The following HUWE1 variants were observed in gnomAD, a reference collection of about 807,000 sequenced individuals.
The protein encoded by HUWE1 is E3 ubiquitin-protein ligase HUWE1.
A neutral mutation model predicts 299.4 loss-of-function variants in HUWE1; 18 were observed. That is an observed-to-expected ratio of 0.06 (90% CI 0.04 to 0.09). The LOEUF (loss-of-function observed/expected upper bound fraction) is 0.09, where lower values mean the gene tolerates loss of function less well. Ranked by LOEUF, HUWE1 falls within the 10% of genes least tolerant of loss-of-function variation. The pLI, the probability that HUWE1 is intolerant of heterozygous loss-of-function variation, is 1.00. For missense variants in HUWE1, 1,832 were observed against 3,462.3 expected (o/e 0.53, Z 11.82); for synonymous variants, 1,317 against 1,286.1 (o/e 1.02, Z -0.51).
intron 4 of HUWE1, among the ~76,000 whole-genome samples, chrX:53,651,363 TAA>T (rs1557040035): frequency 1.8e-5 from 2 of 111,237 alleles, no homozygotes; most frequent in Non-Finnish European, 3.8e-5. Context: ...TCTACCCTCG[TAA>T]CAAATTTTTA....
At chrX:53,641,881 G>A (rs1302466584) in intron 7 of HUWE1, among the ~76,000 whole-genome samples, 1 of 110,944 alleles carries the variant, frequency 9.0e-6, no homozygotes, top group African/African-American at 3.3e-5. Context: ...GTAAGTAAAG[G>A]TTTAGTGTTG....
chrX:53,628,427 G>A, intron 15 of HUWE1, 66 bp downstream of exon 15: 2 of 1,063,537 alleles, frequency 1.9e-6, no homozygotes, highest in East Asian at 6.7e-5. Context: ...CCCCAAACTT[G>A]CATCTCTACA....
intron 36 of HUWE1, among the ~76,000 whole-genome samples, chrX:53,588,817 C>A (rs993810596): frequency 1.3e-4 from 15 of 111,947 alleles, no homozygotes; most frequent in African/African-American, 4.9e-4. Context: ...TGCATACAGT[C>A]AACCCCAAAA....
intron 3 of HUWE1, among the ~76,000 whole-genome samples, chrX:53,654,653 A>G (rs1043974841): frequency 2.7e-5 from 3 of 112,279 alleles, no homozygotes; most frequent in Non-Finnish European, 5.6e-5. Context: ...CCAAAATACG[A>G]CTGGTTTAAA....
Position 53,533,154 on chromosome X carries a change from G to A in HUWE1, c.*155C>T. 1 of 480,083 alleles carries A rather than the reference G, an allele frequency of 2.1e-6. No individual in the cohort carries two copies. Among genetic ancestry groups the A allele is most frequent in the Admixed American group, 3.1e-5 (1 of 31,891 alleles). The allele number at this position is 480,083 out of a possible 1,213,427, so 39.6% of individuals were successfully genotyped here. A position where few individuals can be genotyped will look rare whatever the true frequency, so the allele number is the denominator to read the frequency against. ...AGAGAATGAGAAGAGGAACAGGTAT[G>A]CGCTGGGGAAGATGGGGCAGCTGGG... On this transcript the variant is annotated 3_prime_UTR_variant, in exon 84 of 84. Transcript: ENST00000262854.
intron 2 of HUWE1, chrX:53,683,931 C>G (rs2070333853): frequency 3.4e-6 from 1 of 292,214 alleles, no homozygotes; most frequent in Non-Finnish European, 6.0e-6. Flanking sequence ...GAGAATTCTC[C>G]GGCTTAGAAC....
intron 43 of HUWE1, among the ~76,000 whole-genome samples, chrX:53,577,415 TG>T (rs145096249): frequency 0.34 from 33,606 of 98,401 alleles, 5,592 homozygotes; most frequent in South Asian, 0.48. Context: ...GGCACATAGC[TG>T]GAACTTCCAA....
intron 23 of HUWE1, among the ~76,000 whole-genome samples, chrX:53,612,497 A>C (rs1557003335): frequency 8.9e-6 from 1 of 112,175 alleles, no homozygotes; most frequent in Non-Finnish European, 1.9e-5. Flanking sequence ...TCCTTCATTT[A>C]AGGCTCTTTA....
chrX:53,539,320 T>TAAAAAAAA (rs34154526), intron 75 of HUWE1, among the ~76,000 whole-genome samples: 126 of 52,702 alleles, frequency 2.4e-3, no homozygotes, highest in Non-Finnish European at 2.8e-3. Flanking sequence ...ATTTCTGATT[T>TAAAAAAAA]AAAAAAAAAA....
At position 53,600,425 on chromosome X, in the gene HUWE1, C is replaced by T. The variant is rs1333469342; in HGVS notation, c.2972-116G>A. 3 of 567,768 alleles carry T rather than the reference C, an allele frequency of 5.3e-6. No individual in the cohort carries two copies. The African/African-American group carries it at 7.0e-5, about 13-fold the overall frequency. 46.8% of individuals were successfully genotyped at this position (567,768 alleles called of 1,213,427 possible). ...TTTGTTACTCTTTCAATTCCCATGG[C>T]TTCCTAAATTTGAAAAACAAAAACA... On this transcript the variant is annotated intron_variant, in intron 28 of 83. Transcript: ENST00000262854.
chrX:53,641,192 T>C (rs2067564844), intron 7 of HUWE1, among the ~76,000 whole-genome samples: 1 of 111,991 alleles, frequency 8.9e-6, no homozygotes, highest in African/African-American at 3.2e-5. Context: ...ACATAAGGTA[T>C]ACTCTTTCAT....
At chrX:53,581,146 A>G in intron 42 of HUWE1, 120 bp from the exon 43 acceptor site, 3 of 599,251 alleles carry the variant, frequency 5.0e-6, no homozygotes, top group South Asian at 6.2e-5. Context: ...TTTATTTTTA[A>G]GTCCCGTCCC....
At chrX:53,573,199 ACTCT>A (rs782441007) in intron 47 of HUWE1, among the ~76,000 whole-genome samples, 5 of 110,899 alleles carry the variant, frequency 4.5e-5, no homozygotes, top group East Asian at 2.8e-4. Flanking sequence ...AATCTCATTA[ACTCT>A]CTCTCTCAGT....
At chrX:53,538,786 T>G in intron 76 of HUWE1, 49 bp downstream of exon 76, 3 of 1,119,486 alleles carry the variant, frequency 2.7e-6, no homozygotes, top group Non-Finnish European at 3.6e-6. Context: ...GAAACAATCC[T>G]GTTTAAAATG....
In HUWE1 at chrX:53,536,374, C is replaced by G; in HGVS notation, c.12425+6G>C. ...AGACAGTCCCAGGACTATGCCTCAT[C>G]CTCACCTGACTGACTTGCCCAAGAT... On this transcript the variant is annotated splice_donor_region_variant and intron_variant, in intron 79 of 83. Transcript: ENST00000262854. The G allele has an allele frequency of 8.3e-7, 1 of 1,210,695 alleles. No homozygotes were observed. The highest frequency in any genetic ancestry group is 1.1e-6 in the Non-Finnish European group (1 of 894,606).
chrX:53,558,696 T>C lies in HUWE1; in HGVS notation c.8119A>G (p.Lys2707Glu). 1.7e-6 allele frequency: 2 copies of C among 1,210,714 alleles called. No individual in the cohort carries two copies. Among genetic ancestry groups the C allele is most frequent in the Non-Finnish European group, 2.2e-6 (2 of 894,468 alleles). ...LAEEETKITDKGKEDKENRDQ... is the reference protein window; with the variant it reads ...LAEEETKITDEGKEDKENRDQ... ...CTGTTCTCCTTATCTTCTTTGCCTT[T>C]ATCAGTTATCTTTGTTTCTTCCTCA... The change falls in exon 59 of 84, where the codon AAA becomes GAA. Residue 2707 changes from lysine (K) to glutamate (E), a missense_variant. Lys to Glu is a moderately conservative substitution (Grantham distance 56, BLOSUM62 1). Coordinates refer to ENST00000262854, the MANE Select transcript of HUWE1 (RefSeq NM_031407.7).
At chrX:53,542,370 C>T in intron 74 of HUWE1, 73 bp downstream of exon 74, 1 of 686,960 alleles carries the variant, frequency 1.5e-6, no homozygotes, top group Non-Finnish European at 2.4e-6. Context: ...ATGCTGGGAG[C>T]AGGGGATTCA....
chrX:53,573,684 G>A, intron 47 of HUWE1, 66 bp downstream of exon 47: 2 of 939,216 alleles, frequency 2.1e-6, no homozygotes, highest in Non-Finnish European at 3.1e-6. Flanking sequence ...AGCAGTGTCT[G>A]ACACAGGCGG....
intron 17 of HUWE1, chrX:53,625,853 A>AGGGCCGGGGCCGGGGCCGGGGCCG (rs1299494277): frequency 6.4e-6 from 1 of 155,548 alleles, no homozygotes. Flanking sequence ...GGCCGGGGCC[A>AGGGCCGGGGCCGGGGCCGGGGCCG]GGGCCGGGGC....
Sources: allele counts gnomAD v4.1 joint callset (sites outside exome capture counted in the v4.1 genomes callset), GRCh38; gene constraint gnomAD v4.1.1; transcripts MANE v1.5; gene names NCBI Gene and HGNC (gene_info 2026-07-23, HGNC 2026-07-21).